The following MRPS28 variants were observed in gnomAD, a reference collection of about 807,000 sequenced individuals.
The protein encoded by MRPS28 is mitochondrial ribosomal protein S28, also known as small ribosomal subunit protein bS1m.
A neutral mutation model predicts 10.8 loss-of-function variants in MRPS28; 7 were observed. The observed-to-expected ratio is 0.65, with a 90% CI of 0.37 to 1.22. The LOEUF (loss-of-function observed/expected upper bound fraction) is 1.22, where lower values mean the gene tolerates loss of function less well. Ranked by LOEUF, MRPS28 falls within the 50% of genes most tolerant of loss-of-function variation. MRPS28 has a pLI of 0.02. For missense variants in MRPS28, 265 were observed against 232.9 expected (o/e 1.14, Z -0.90); for synonymous variants, 121 against 93.3 (o/e 1.30, Z -1.71).
In MRPS28 at chr8:79,921,016, A is replaced by G. The variant is rs573153623; in HGVS notation, c.396-1868T>C. 2.0e-5 allele frequency among the ~76,000 whole-genome samples: 3 copies of G among 152,350 alleles called. No homozygotes were observed. The East Asian group carries it at 5.8e-4, about 29-fold the overall frequency. ...TTCAGCTTTCTACATATGGCTAGCC[A>G]GTTTTCCCAGCACCATTTATTAAAG... On this transcript the variant is annotated intron_variant, in intron 2 of 2. Coordinates refer to ENST00000276585, the MANE Select transcript of MRPS28 (RefSeq NM_014018.3).
At chr8:80,007,280 T>C (rs1426747756) in intron 1 of MRPS28, among the ~76,000 whole-genome samples, 1 of 152,130 alleles carries the variant, frequency 6.6e-6, no homozygotes, top group Non-Finnish European at 1.5e-5. Flanking sequence ...CTCAAAATAA[T>C]AAGAGCTATC....
At chr8:79,957,334 T>C (rs1049435664) in intron 2 of MRPS28, 2 of 152,090 alleles carry the variant, frequency 1.3e-5, no homozygotes, top group Non-Finnish European at 2.9e-5. Flanking sequence ...TGGCATACTT[T>C]TGTTTTTGTC....
chr8:79,932,056 C>T (rs1806477745), intron 2 of MRPS28, among the ~76,000 whole-genome samples: 1 of 152,128 alleles, frequency 6.6e-6, no homozygotes, highest in Non-Finnish European at 1.5e-5. Context: ...CCCTGGGGCT[C>T]CAGCCTACCA....
At chr8:79,983,153 CAG>C (rs1415343917) in intron 2 of MRPS28, among the ~76,000 whole-genome samples, 1 of 152,152 alleles carries the variant, frequency 6.6e-6, no homozygotes, top group Non-Finnish European at 1.5e-5. Flanking sequence ...TGCTGGTACC[CAG>C]GCAAACAGGG....
chr8:80,010,675 C>T (rs13282493), intron 1 of MRPS28, among the ~76,000 whole-genome samples: 118,788 of 152,272 alleles, frequency 0.78, 47,109 homozygotes, highest in African/African-American at 0.92. Context: ...TTTACAAACC[C>T]GGCAAAACAC....
At position 80,030,244 on chromosome 8, in the gene MRPS28, G is replaced by A. The variant is rs373906735; in HGVS notation, c.5C>T (p.Ala2Val). 1 of 1,614,048 alleles carries A rather than the reference G, an allele frequency of 6.2e-7. No homozygotes were observed. Among genetic ancestry groups the A allele is most frequent in the South Asian group, 1.1e-5 (1 of 91,078 alleles). Residue 2 changes from alanine (A) to valine (V), a missense_variant, in exon 1 of 3, where the codon GCG becomes GTG. Coordinates refer to ENST00000276585, the MANE Select transcript of MRPS28 (RefSeq NM_014018.3). M[A>V]ALCRTRAVAA... is the part of the protein sequence containing the mutation. ...CACAGCACGGGTCCGACACAGCGCC[G>A]CCATGACTTCTTTACCTCTGACCTT...
chr8:79,960,920 A>C (rs1355516283), intron 2 of MRPS28, among the ~76,000 whole-genome samples: 2 of 152,106 alleles, frequency 1.3e-5, no homozygotes, highest in African/African-American at 4.8e-5. Context: ...ATTTGTAAGC[A>C]AGGCAATAGT....
chr8:79,947,542 C>T (rs1035022937), intron 2 of MRPS28, among the ~76,000 whole-genome samples: 1 of 151,500 alleles, frequency 6.6e-6, no homozygotes, highest in Middle Eastern at 3.2e-3. Flanking sequence ...CATCTCTCCA[C>T]TTATTTAGCT....
At chr8:80,024,045 A>G (rs1489876320) in intron 1 of MRPS28, among the ~76,000 whole-genome samples, 5 of 152,138 alleles carry the variant, frequency 3.3e-5, no homozygotes, top group Non-Finnish European at 7.4e-5. Context: ...CCTGGGCAAT[A>G]TGGCAAAACC....
chr8:79,952,295 G>A (rs981958286), intron 2 of MRPS28, among the ~76,000 whole-genome samples: 26 of 152,110 alleles, frequency 1.7e-4, no homozygotes, highest in African/African-American at 6.3e-4. Flanking sequence ...ATTTAACAAG[G>A]AATATTAGAA....
intron 1 of MRPS28, chr8:80,029,624 G>T: frequency 2.8e-6 from 2 of 719,856 alleles, no homozygotes; most frequent in Non-Finnish European, 4.0e-6. Flanking sequence ...TTCTACTCCA[G>T]ACAGCAAGCT....
intron 2 of MRPS28, among the ~76,000 whole-genome samples, chr8:79,953,267 G>GT (rs1563524812): frequency 2.0e-5 from 3 of 152,304 alleles, no homozygotes; most frequent in Middle Eastern, 3.4e-3. Flanking sequence ...TTGCTGCAGA[G>GT]GACAGAGAGT....
intron 2 of MRPS28, among the ~76,000 whole-genome samples, chr8:79,938,597 A>AC (rs1295836190): frequency 6.6e-6 from 1 of 152,198 alleles, no homozygotes; most frequent in Non-Finnish European, 1.5e-5. Flanking sequence ...AACAACAACA[A>AC]AAAAGAACCT....
At chr8:79,973,387 C>A (rs748767938) in intron 2 of MRPS28, among the ~76,000 whole-genome samples, 16 of 152,130 alleles carry the variant, frequency 1.1e-4, no homozygotes, top group Non-Finnish European at 1.3e-4. Flanking sequence ...ATACCCTCAG[C>A]CACGAGCAGT....
intron 1 of MRPS28, among the ~76,000 whole-genome samples, chr8:80,020,578 G>A (rs898771216): frequency 6.6e-6 from 1 of 152,192 alleles, no homozygotes; most frequent in Non-Finnish European, 1.5e-5. Context: ...AAGTATTTCT[G>A]ATAGAACAGT....
chr8:79,973,899 C>A (rs1054372280), intron 2 of MRPS28, among the ~76,000 whole-genome samples: 2 of 150,618 alleles, frequency 1.3e-5, no homozygotes, highest in Non-Finnish European at 3.0e-5. Flanking sequence ...GTAGGTCGTG[C>A]ATAGAAATCT....
At position 80,006,701 on chromosome 8, in the gene MRPS28, C is replaced by A. The variant is rs549478374; in HGVS notation, c.214-3521G>T. Among the ~76,000 whole-genome samples the A allele has an allele frequency of 7.6e-3, 1,151 of 152,300 alleles. 11 individuals are homozygous for A. The highest frequency in any genetic ancestry group is 0.026 in the African/African-American group (1,065 of 41,546). ...ATGGATAAATTCCTCGACACATACA[C>A]CCTCCCAAGACTAAACCAGGAAGAA... On this transcript the variant is annotated intron_variant, in intron 1 of 2. Coordinates refer to ENST00000276585, the MANE Select transcript of MRPS28 (RefSeq NM_014018.3).
intron 2 of MRPS28, among the ~76,000 whole-genome samples, chr8:79,986,482 C>A (rs1212438101): frequency 1.5e-4 from 23 of 152,190 alleles, no homozygotes; most frequent in Middle Eastern, 3.4e-3. Flanking sequence ...AGGAAGTCAA[C>A]TTGTCCCTGT....
chr8:80,020,943 A>C (rs1809341310), intron 1 of MRPS28, among the ~76,000 whole-genome samples: 1 of 152,068 alleles, frequency 6.6e-6, no homozygotes, highest in Non-Finnish European at 1.5e-5. Context: ...TTATGTGTAA[A>C]TGCTTTAAAA....
Sources: allele counts gnomAD v4.1 joint callset (sites outside exome capture counted in the v4.1 genomes callset), GRCh38; gene constraint gnomAD v4.1.1; transcripts MANE v1.5; gene names NCBI Gene and HGNC (gene_info 2026-07-23, HGNC 2026-07-21).